MYO16: variants seen among roughly 807,000 people sequenced by gnomAD.
The protein encoded by MYO16 is unconventional myosin-XVI.
Under a neutral mutation model 205.3 loss-of-function variants are expected in MYO16, and 94 were observed. That is an observed-to-expected ratio of 0.46 (90% CI 0.39 to 0.54). The LOEUF (loss-of-function observed/expected upper bound fraction) is 0.54, where lower values mean the gene tolerates loss of function less well. Ranked by LOEUF, MYO16 falls within the 20% of genes least tolerant of loss-of-function variation. The probability of loss-of-function intolerance (pLI) is 0.00; values close to 1 mark genes in which losing one functional copy is unlikely to be tolerated. For synonymous variants in MYO16, 988 were observed against 954.0 expected, an observed-to-expected ratio of 1.04 and a Z score of -0.66; for missense variants, 2,315 against 2,387.5, an observed-to-expected ratio of 0.97 and a Z score of 0.63.
At chr13:109,039,305 C>G (rs74119808) in intron 23 of MYO16, among the ~76,000 whole-genome samples, 1 of 152,264 alleles carries the variant, frequency 6.6e-6, no homozygotes, top group South Asian at 2.1e-4. Context: ...CATAGGCAAT[C>G]GGCAAGGGTG....
intron 4 of MYO16, among the ~76,000 whole-genome samples, chr13:108,740,325 C>T (rs1177538786): frequency 6.6e-6 from 1 of 152,152 alleles, no homozygotes; most frequent in African/African-American, 2.4e-5. Flanking sequence ...TGTGGATGTG[C>T]TTTCTGTTTG....
At chr13:108,743,461 A>G (rs1884970427) in intron 4 of MYO16, among the ~76,000 whole-genome samples, 1 of 152,252 alleles carries the variant, frequency 6.6e-6, no homozygotes, top group Non-Finnish European at 1.5e-5. Flanking sequence ...ACATACAATG[A>G]GGAGCTCTTT....
chr13:108,686,563 G>A (rs1397225418), intron 2 of MYO16, among the ~76,000 whole-genome samples: 3 of 152,168 alleles, frequency 2.0e-5, no homozygotes, highest in Admixed American at 1.3e-4. Context: ...GTGATCACAC[G>A]TCAGCTCTGA....
At chr13:108,971,374 T>TATATATATATATAC (rs1156819636) in intron 20 of MYO16, among the ~76,000 whole-genome samples, 2 of 136,352 alleles carry the variant, frequency 1.5e-5, no homozygotes, top group African/African-American at 2.6e-5. Flanking sequence ...TATATATATA[T>TATATATATATATAC]ACACATATAA....
At chr13:108,705,388 A>G (rs1883471762) in intron 2 of MYO16, among the ~76,000 whole-genome samples, 1 of 152,206 alleles carries the variant, frequency 6.6e-6, no homozygotes. Flanking sequence ...CGCGGTGTCT[A>G]TGTCATCTTG....
At chr13:109,047,760 A>G (rs1887093818) in intron 24 of MYO16, among the ~76,000 whole-genome samples, 1 of 152,154 alleles carries the variant, frequency 6.6e-6, no homozygotes, top group East Asian at 1.9e-4. Flanking sequence ...TAAAAGAAGC[A>G]CAGGATAGCT....
At chr13:108,907,313 C>T (rs1475824996) in intron 15 of MYO16, among the ~76,000 whole-genome samples, 2 of 152,084 alleles carry the variant, frequency 1.3e-5, no homozygotes, top group Non-Finnish European at 2.9e-5. Context: ...TTTTGGAACG[C>T]ATATATGAAT....
intron 20 of MYO16, among the ~76,000 whole-genome samples, chr13:108,980,922 C>T (rs955500691): frequency 2.6e-5 from 4 of 152,138 alleles, no homozygotes; most frequent in African/African-American, 4.8e-5. Flanking sequence ...GAAAATGGAA[C>T]TCAGAGAGAT....
At chr13:108,695,983 A>G (rs1405218901) in intron 2 of MYO16, among the ~76,000 whole-genome samples, 2 of 152,254 alleles carry the variant, frequency 1.3e-5, no homozygotes, top group Non-Finnish European at 2.9e-5. Context: ...GCTAAAATGT[A>G]TCACAAAATA....
At chr13:108,552,224 G>A in the MYO16 span, among the ~76,000 whole-genome samples, 1 of 152,272 alleles carries the variant, frequency 6.6e-6, no homozygotes, top group African/African-American at 2.4e-5. Flanking sequence ...TGGTTTTCAT[G>A]TACTTTTCTT....
intron 23 of MYO16, among the ~76,000 whole-genome samples, chr13:109,027,391 A>G (rs1886398097): frequency 6.6e-6 from 1 of 152,212 alleles, no homozygotes; most frequent in African/African-American, 2.4e-5. Context: ...AGGGTACACT[A>G]TACAAGCCAC....
intron 32 of MYO16, among the ~76,000 whole-genome samples, chr13:109,161,270 G>A (rs1878368161): frequency 6.6e-6 from 1 of 152,210 alleles, no homozygotes; most frequent in Admixed American, 6.5e-5. Flanking sequence ...TCACAGGAAA[G>A]AAGCTCCCAT....
intron 11 of MYO16, among the ~76,000 whole-genome samples, chr13:108,861,983 GA>G (rs1263483890): frequency 6.6e-6 from 1 of 152,122 alleles, no homozygotes; most frequent in Non-Finnish European, 1.5e-5. Context: ...ACCTGTTTAA[GA>G]AAGCTTGGCA....
intron 16 of MYO16, among the ~76,000 whole-genome samples, chr13:108,925,840 C>G (rs1240475600): frequency 6.6e-6 from 1 of 152,238 alleles, no homozygotes; most frequent in Non-Finnish European, 1.5e-5. Flanking sequence ...TCATGCCCCA[C>G]TGAGTGGTTC....
At chr13:109,003,518 A>C (rs985934935) in intron 21 of MYO16, among the ~76,000 whole-genome samples, 1 of 152,198 alleles carries the variant, frequency 6.6e-6, no homozygotes, top group African/African-American at 2.4e-5. Context: ...ATCCAGAGAC[A>C]CAGGCCACAT....
intron 21 of MYO16, among the ~76,000 whole-genome samples, chr13:108,994,096 T>C (rs1276572896): frequency 1.3e-5 from 2 of 152,202 alleles, no homozygotes; most frequent in Non-Finnish European, 2.9e-5. Context: ...TTTATTTTAC[T>C]ACAATTATAT....
chr13:108,849,382 G>T (rs1400036411), intron 10 of MYO16, among the ~76,000 whole-genome samples: 1 of 152,036 alleles, frequency 6.6e-6, no homozygotes, highest in South Asian at 2.1e-4. Flanking sequence ...GTAGAGACAG[G>T]GTTTCACCAC....
At position 109,140,641 on chromosome 13, in the gene MYO16, G is replaced by A. The variant is rs538622553; in HGVS notation, c.4429G>A (p.Ala1477Thr). 145 of 1,513,368 alleles carry A rather than the reference G, an allele frequency of 9.6e-5. No homozygotes were observed. The African/African-American group carries it at 1.9e-3, about 20-fold the overall frequency. The allele number at this position is 1,513,368 out of a possible 1,614,324, so 93.7% of individuals were successfully genotyped here. The part of the protein sequence containing the change: ...PGAGSFLLHG[A>T]SPPLLHRAPE... ...CGCGGGCTCCTTCCTGCTCCACGGC[G>A]CATCGCCGCCCCTGCTCCACCGCGC... is the stretch of plus-strand genomic sequence containing the variant. Residue 1477 changes from alanine (A) to threonine (T), a missense_variant, in exon 32 of 35, where the codon GCA becomes ACA. This residue lies in a region of MYO16 where 1,097 missense variants were observed against 1,092.0 expected (regional missense o/e 1.00). Transcript: ENST00000457511. This position sits in a 1 kb window ranked among gnomAD's most constrained non-coding sequence, Gnocchi z 8.0.
intron 20 of MYO16, among the ~76,000 whole-genome samples, chr13:108,975,563 G>C (rs765568904): frequency 2.0e-4 from 31 of 152,082 alleles, no homozygotes; most frequent in African/African-American, 3.4e-4. Flanking sequence ...TCTCAGGTAT[G>C]ATGAGGGAAT....
Sources: gnomAD v4.1 joint callset for allele counts (sites outside exome capture counted in the v4.1 genomes callset) on GRCh38, gnomAD v4.1.1 for gene constraint, gnomAD v4.1.1 regional missense constraint, Gnocchi (gnomAD v3.1) non-coding constraint, MANE v1.5 for transcripts, NCBI Gene and HGNC (gene_info 2026-07-23, HGNC 2026-07-21) for gene names.